Variants in SBF2 observed in about 807,000 individuals in gnomAD.
The protein encoded by SBF2 is myotubularin-related protein 13.
Under a neutral mutation model 225.2 loss-of-function variants are expected in SBF2, and 112 were observed. The observed-to-expected ratio is 0.50, with a 90% confidence interval of 0.43 to 0.58. The LOEUF is 0.58. Ranked by LOEUF, SBF2 falls within the 20% of genes least tolerant of loss-of-function variation. SBF2 has a pLI of 0.00. For synonymous variants in SBF2, 763 were observed against 773.3 expected (o/e 0.99, Z 0.22); for missense variants, 1,996 against 2,206.2 (o/e 0.90, Z 1.91).
intron 17 of SBF2, among the ~76,000 whole-genome samples, chr11:9,885,788 T>C (rs1052357813): frequency 1.3e-5 from 2 of 152,186 alleles, no homozygotes; most frequent in African/African-American, 4.8e-5. Context: ...CAGGAATTAT[T>C]TGATGGTCCT....
chr11:10,039,868 G>A (rs1949586120), intron 3 of SBF2, among the ~76,000 whole-genome samples: 1 of 151,696 alleles, frequency 6.6e-6, no homozygotes, highest in African/African-American at 2.4e-5. Context: ...GTGCACGCTG[G>A]TCAAATATGG....
chr11:10,179,625 TC>T (rs968328974), intron 2 of SBF2, among the ~76,000 whole-genome samples: 1 of 152,144 alleles, frequency 6.6e-6, no homozygotes. Context: ...GGTATTGAAG[TC>T]TCCAGCTATT....
At chr11:10,167,972 C>T (rs915990533) in intron 2 of SBF2, among the ~76,000 whole-genome samples, 1 of 152,192 alleles carries the variant, frequency 6.6e-6, no homozygotes, top group Non-Finnish European at 1.5e-5. Flanking sequence ...GAGTAGAGAT[C>T]GTGCCACTGC....
chr11:10,057,072 T>C (rs1428278882), intron 2 of SBF2, among the ~76,000 whole-genome samples: 2 of 152,144 alleles, frequency 1.3e-5, no homozygotes, highest in Non-Finnish European at 2.9e-5. Context: ...AGAAACACGC[T>C]CCCATCTTTG....
chr11:10,012,070 G>C (rs1308190725), intron 6 of SBF2, among the ~76,000 whole-genome samples: 6 of 151,852 alleles, frequency 4.0e-5, no homozygotes, highest in Non-Finnish European at 5.9e-5. Flanking sequence ...CATTTCTATT[G>C]GTCTTTCACC....
At chr11:10,234,803 A>G (rs1185753723) in intron 1 of SBF2, among the ~76,000 whole-genome samples, 5 of 152,312 alleles carry the variant, frequency 3.3e-5, no homozygotes, top group Non-Finnish European at 7.4e-5. Context: ...CCAAAACAGA[A>G]AGAACAAAGG....
intron 17 of SBF2, among the ~76,000 whole-genome samples, chr11:9,882,806 AAAAAAAAAAAAAAACCACC>A (rs1859926337): frequency 1.2e-5 from 1 of 83,464 alleles, no homozygotes; most frequent in South Asian, 3.4e-4. Flanking sequence ...AAAAAAAAAA[AAAAAAAAAAAAAAACCACC>A]AAAAAAAACC....
intron 6 of SBF2, among the ~76,000 whole-genome samples, chr11:10,008,462 A>G (rs1287437795): frequency 6.6e-6 from 1 of 152,210 alleles, no homozygotes; most frequent in Admixed American, 6.5e-5. Flanking sequence ...CTTTTACATC[A>G]AGGACCAGAA....
chr11:9,891,438 T>C (rs1349357067), intron 17 of SBF2, among the ~76,000 whole-genome samples: 1 of 152,196 alleles, frequency 6.6e-6, no homozygotes, highest in African/African-American at 2.4e-5. Flanking sequence ...TTGAAACGAT[T>C]CCTCTACTGT....
At chr11:10,208,009 A>G (rs1159862224) in intron 1 of SBF2, among the ~76,000 whole-genome samples, 1 of 152,112 alleles carries the variant, frequency 6.6e-6, no homozygotes, top group Non-Finnish European at 1.5e-5. Flanking sequence ...CCCATGGTTG[A>G]TAAACTAATC....
At chr11:10,108,634 C>G (rs994569780) in intron 2 of SBF2, among the ~76,000 whole-genome samples, 4 of 148,332 alleles carry the variant, frequency 2.7e-5, no homozygotes, top group Non-Finnish European at 4.4e-5. Context: ...ATGCCATTCT[C>G]CTGCCTCAGC....
At position 10,028,465 on chromosome 11, in the gene SBF2, C is replaced by T. The variant is rs1423107918; in HGVS notation, c.606G>A (p.Leu202=). ...GAAAAGACATACCCAATTGCTGGAACAGGAGAGCCACACTAGTGCCCGTGA... is the reference window on the plus strand; with the variant it reads ...GAAAAGACATACCCAATTGCTGGAATAGGAGAGCCACACTAGTGCCCGTGA... ...LPITGTSVAL[L]FQQLGIQNVL... The change falls in exon 6 of 40, where the codon CTG becomes CTA. Residue 202 remains leucine, a synonymous_variant. Transcript: ENST00000256190. 1 of 1,608,794 alleles carries T rather than the reference C, an allele frequency of 6.2e-7. No homozygotes were observed. Among genetic ancestry groups the T allele is most frequent in the South Asian group, 1.1e-5 (1 of 90,984 alleles).
chr11:9,842,994 G>A (rs1447674983), intron 24 of SBF2, among the ~76,000 whole-genome samples: 1 of 152,180 alleles, frequency 6.6e-6, no homozygotes, highest in Non-Finnish European at 1.5e-5. Context: ...AAAACGTGCA[G>A]GAAAATGTAA....
intron 6 of SBF2, among the ~76,000 whole-genome samples, chr11:10,004,205 T>C (rs1590731675): frequency 6.6e-6 from 1 of 152,150 alleles, no homozygotes. Flanking sequence ...AACTAAATAA[T>C]GATTAAAGAA....
At chr11:10,019,930 T>C (rs1419221004) in intron 6 of SBF2, among the ~76,000 whole-genome samples, 2 of 152,204 alleles carry the variant, frequency 1.3e-5, no homozygotes, top group Non-Finnish European at 2.9e-5. Flanking sequence ...TTTTCATCTT[T>C]ATGTTTTAGG....
chr11:9,802,215 T>C (rs921105007), intron 32 of SBF2, among the ~76,000 whole-genome samples: 2 of 152,216 alleles, frequency 1.3e-5, no homozygotes, highest in African/African-American at 2.4e-5. Context: ...TTTTTTTAAT[T>C]TGGCTCAACT....
intron 1 of SBF2, among the ~76,000 whole-genome samples, chr11:10,236,572 G>A (rs1227756021): frequency 2.0e-5 from 3 of 152,046 alleles, no homozygotes; most frequent in Non-Finnish European, 4.4e-5. Context: ...CAATTCTCCT[G>A]CCTCAGCCTC....
intron 1 of SBF2, among the ~76,000 whole-genome samples, chr11:10,197,328 A>G (rs1957414092): frequency 6.6e-6 from 1 of 152,236 alleles, no homozygotes; most frequent in Non-Finnish European, 1.5e-5. Context: ...ACAGCAATAA[A>G]GTGAATATTG....
chr11:10,227,617 A>C (rs1469008370), intron 1 of SBF2, among the ~76,000 whole-genome samples: 3 of 152,190 alleles, frequency 2.0e-5, no homozygotes, highest in Non-Finnish European at 4.4e-5. Context: ...GGTTTGACAA[A>C]GATCAGATAG....
Sources: allele counts gnomAD v4.1 joint callset (sites outside exome capture counted in the v4.1 genomes callset), GRCh38; gene constraint gnomAD v4.1.1; transcripts MANE v1.5; gene names NCBI Gene and HGNC (gene_info 2026-07-23, HGNC 2026-07-21).